The following SHISA8 variants were observed in gnomAD, a reference collection of about 807,000 sequenced individuals.
SHISA8 encodes the protein protein shisa-8.
In SHISA8, 21 loss-of-function variants were observed where a neutral mutation model predicts 21.1. The observed-to-expected ratio is 0.99, with a 90% CI of 0.71 to 1.43. The LOEUF (loss-of-function observed/expected upper bound fraction) is 1.43. Among genes scored for constraint, SHISA8 ranks in the 40% most tolerant of loss-of-function variants. SHISA8 has a pLI of 0.00. For missense variants in SHISA8, 535 were observed against 599.1 expected, an observed-to-expected ratio of 0.89 and a Z score of 1.12; for synonymous variants, 300 against 291.4, an observed-to-expected ratio of 1.03 and a Z score of -0.30.
chr22:41,910,333 G>T lies in SHISA8; in HGVS notation c.811+75C>A. On this transcript the variant is annotated intron_variant, in intron 3 of 3. Coordinates refer to ENST00000621082, the MANE Select transcript of SHISA8 (RefSeq NM_001207020.3). The surrounding 1 kb of genome is among the most constrained non-coding windows in gnomAD (Gnocchi z 6.8). ...CGGAACTGGGAATTTGGCGCTTGGAGCTGCGGCCCCGCGCTTCGCAGTCCG... is the reference window on the plus strand; with the variant it reads ...CGGAACTGGGAATTTGGCGCTTGGATCTGCGGCCCCGCGCTTCGCAGTCCG... 1 of 1,256,478 alleles carries T rather than the reference G, an allele frequency of 8.0e-7. No homozygotes were observed. The highest frequency in any genetic ancestry group is 2.8e-5 in the South Asian group (1 of 36,078). 77.8% of individuals were successfully genotyped at this position (1,256,478 alleles called of 1,614,324 possible).
intron 1 of SHISA8, among the ~76,000 whole-genome samples, chr22:41,913,923 G>A (rs2077567219): frequency 6.6e-6 from 1 of 151,972 alleles, no homozygotes; most frequent in South Asian, 2.1e-4. Flanking sequence ...AGGCGGTGCG[G>A]CGCCCAGCAC....
chr22:41,910,584 C>T lies in SHISA8; in HGVS notation c.665-30G>A. The T allele has an allele frequency of 8.2e-7, 1 of 1,219,064 alleles. No individual in the cohort carries two copies. Among genetic ancestry groups the T allele is most frequent in the Non-Finnish European group, 1.0e-6 (1 of 979,348 alleles). 75.5% of individuals were successfully genotyped at this position (1,219,064 alleles called of 1,614,324 possible). On this transcript the variant is annotated intron_variant, in intron 2 of 3. Coordinates refer to ENST00000621082, the MANE Select transcript of SHISA8 (RefSeq NM_001207020.3). This position sits in a 1 kb window ranked among gnomAD's most constrained non-coding sequence, Gnocchi z 6.8. ...AGCGAGGAGTGAGACGCGGCTCGGT[C>T]CGATGCCCCGGTTCACTCCGCCCTC...
rs1392667907 is a variant in SHISA8, at chr22:41,910,748, C to T, written c.665-194G>A. On this transcript the variant is annotated intron_variant, in intron 2 of 3. Transcript: ENST00000621082. The surrounding 1 kb of genome is among the most constrained non-coding windows in gnomAD (Gnocchi z 6.8). ...GAACAGGGCCTGGCTCCGAGTCACG[C>T]GCAGCGGCGGCGGCAGCCAGCCCGG... Among the ~76,000 whole-genome samples, 2 of 152,254 alleles carry T rather than the reference C, an allele frequency of 1.3e-5. No individual in the cohort carries two copies. The highest frequency in any genetic ancestry group is 2.4e-5 in the African/African-American group (1 of 41,564).
chr22:41,911,713 C>T (rs2146575856), intron 1 of SHISA8, among the ~76,000 whole-genome samples: 1 of 152,250 alleles, frequency 6.6e-6, no homozygotes, highest in East Asian at 1.9e-4. Context: ...TTCTTCAGAC[C>T]CCATCAGCGG....
chr22:41,909,579 G>A lies in SHISA8; in HGVS notation c.*186C>T, dbSNP rs6002532. 0.021 allele frequency: 14,775 copies of A among 710,534 alleles called. 1,628 individuals are homozygous for A. In the African/African-American group the frequency reaches 0.25, roughly 12 times the overall value. 44.0% of individuals were successfully genotyped at this position (710,534 alleles called of 1,614,324 possible). ...CACGCTGGGGCTTCTTTATTCTCAGGGGCAGGAACCACATAAAAGGGCTTA... is the reference window on the plus strand; with the variant it reads ...CACGCTGGGGCTTCTTTATTCTCAGAGGCAGGAACCACATAAAAGGGCTTA... On this transcript the variant is annotated 3_prime_UTR_variant, in exon 4 of 4. Coordinates refer to ENST00000621082, the MANE Select transcript of SHISA8 (RefSeq NM_001207020.3).
In SHISA8 at chr22:41,914,203, G is replaced by T. The variant is rs915196912; in HGVS notation, c.465C>A (p.Ala155=). 1.5e-5 allele frequency: 22 copies of T among 1,463,748 alleles called. No individual in the cohort carries two copies. The African/African-American group carries it at 1.9e-4, about 13-fold the overall frequency. The allele number at this position is 1,463,748 out of a possible 1,614,324, so 90.7% of individuals were successfully genotyped here. ...VCGVAALLVL[A]GIGARLGLER... ...CCAGTCCCAGGCGCGCCCCGATGCC[G>T]GCCAGCACCAGCAGCGCTGCGACGC... The change falls in exon 1 of 4, where the codon GCC becomes GCA. Residue 155 remains alanine (A), a synonymous_variant. Transcript: ENST00000621082. The surrounding 1 kb of genome is among the most constrained non-coding windows in gnomAD (Gnocchi z 6.8).
Position 41,909,602 on chromosome 22 carries a change from T to G in SHISA8, c.*163A>C. 1.0e-6 allele frequency: 1 copy of G among 955,246 alleles called. No individual in the cohort carries two copies. Among genetic ancestry groups the G allele is most frequent in the Non-Finnish European group, 1.4e-6 (1 of 714,150 alleles). The allele number at this position is 955,246 out of a possible 1,614,324, so 59.2% of individuals were successfully genotyped here. A position where few individuals can be genotyped will look rare whatever the true frequency, so the allele number is the denominator to read the frequency against. On this transcript the variant is annotated 3_prime_UTR_variant, in exon 4 of 4. Coordinates refer to ENST00000621082, the MANE Select transcript of SHISA8 (RefSeq NM_001207020.3). The stretch of plus-strand genomic sequence containing the variant: ...AGGGGCAGGAACCACATAAAAGGGC[T>G]TATTTACAAGACGAACCCGCGGCCT...
chr22:41,909,610 A>G lies in SHISA8; in HGVS notation c.*155T>C. The G allele has an allele frequency of 9.4e-7, 1 of 1,064,416 alleles. No homozygotes were observed. The highest frequency in any genetic ancestry group is 1.2e-6 in the Non-Finnish European group (1 of 813,544). 65.9% of individuals were successfully genotyped at this position (1,064,416 alleles called of 1,614,324 possible). On this transcript the variant is annotated 3_prime_UTR_variant, in exon 4 of 4. Coordinates refer to ENST00000621082, the MANE Select transcript of SHISA8 (RefSeq NM_001207020.3). ...GAACCACATAAAAGGGCTTATTTAC[A>G]AGACGAACCCGCGGCCTGCAGGCTC...
rs552436274 is a variant in SHISA8 at position 41,913,991 on chromosome 22, G to C, written c.530+147C>G. ...CAGGTGTCTCCCTGATGAAGTGTTGGGGGGGCGGCGGGGGGAGAAGGAGAC... is the reference window on the plus strand; with the variant it reads ...CAGGTGTCTCCCTGATGAAGTGTTGCGGGGGCGGCGGGGGGAGAAGGAGAC... On this transcript the variant is annotated intron_variant, in intron 1 of 3. Transcript: ENST00000621082. 2.8e-4 allele frequency: 219 copies of C among 769,340 alleles called. 3 individuals are homozygous for C. The South Asian group carries it at 4.9e-3, about 17-fold the overall frequency. 47.7% of individuals were successfully genotyped at this position (769,340 alleles called of 1,614,324 possible).
chr22:41,910,663 G>C lies in SHISA8; in HGVS notation c.665-109C>G. ...GAGGCCGTTCGGTGAGAACCTGGGG[G>C]ACCGTTCTCCGGGCGAGGCTGCGAG... On this transcript the variant is annotated intron_variant, in intron 2 of 3. Transcript: ENST00000621082. This position sits in a 1 kb window ranked among gnomAD's most constrained non-coding sequence, Gnocchi z 6.8. 1 of 1,165,932 alleles carries C rather than the reference G, an allele frequency of 8.6e-7. No individual in the cohort carries two copies. Among genetic ancestry groups the C allele is most frequent in the Non-Finnish European group, 1.1e-6 (1 of 935,246 alleles). 72.2% of individuals were successfully genotyped at this position (1,165,932 alleles called of 1,614,324 possible). A position where few individuals can be genotyped will look rare whatever the true frequency, so the allele number is the denominator to read the frequency against.
chr22:41,910,351 G>T lies in SHISA8; in HGVS notation c.811+57C>A, dbSNP rs947241159. 2.1e-5 allele frequency: 26 copies of T among 1,261,560 alleles called. No individual in the cohort carries two copies. The highest frequency in any genetic ancestry group is 2.4e-5 in the Non-Finnish European group (24 of 1,003,530). 78.1% of individuals were successfully genotyped at this position (1,261,560 alleles called of 1,614,324 possible). On this transcript the variant is annotated intron_variant, in intron 3 of 3. Coordinates refer to ENST00000621082, the MANE Select transcript of SHISA8 (RefSeq NM_001207020.3). This position sits in a 1 kb window ranked among gnomAD's most constrained non-coding sequence, Gnocchi z 6.8. The stretch of plus-strand genomic sequence containing the variant: ...GCTTGGAGCTGCGGCCCCGCGCTTC[G>T]CAGTCCGGGAGCTCGTGCGCCCAGG...
rs1287344511 is a variant in SHISA8, at chr22:41,914,675, G to A, written c.-8C>T. ...CGCCCCGGCCCGCGCCATCGGGCCC[G>A]CGCCTCCCGCTACTGCGCCCGGTGC... On this transcript the variant is annotated 5_prime_UTR_variant, in exon 1 of 4. Transcript: ENST00000621082. This position sits in a 1 kb window ranked among gnomAD's most constrained non-coding sequence, Gnocchi z 6.8. The A allele has an allele frequency of 6.0e-5, 61 of 1,015,722 alleles. No homozygotes were observed. The highest frequency in any genetic ancestry group is 7.0e-5 in the Non-Finnish European group (60 of 851,628). 62.9% of individuals were successfully genotyped at this position (1,015,722 alleles called of 1,614,324 possible).
At chr22:41,912,903 C>G (rs1242087109) in intron 1 of SHISA8, among the ~76,000 whole-genome samples, 1 of 152,232 alleles carries the variant, frequency 6.6e-6, no homozygotes, top group African/African-American at 2.4e-5. Flanking sequence ...TGCAGCCACC[C>G]CTCACCATCG....
chr22:41,910,689 C>A lies in SHISA8; in HGVS notation c.665-135G>T. 2 of 1,076,538 alleles carry A rather than the reference C, an allele frequency of 1.9e-6. No homozygotes were observed. The highest frequency in any genetic ancestry group is 9.7e-5 in the South Asian group (2 of 20,702). The allele number at this position is 1,076,538 out of a possible 1,614,324, so 66.7% of individuals were successfully genotyped here. A position where few individuals can be genotyped will look rare whatever the true frequency, so the allele number is the denominator to read the frequency against. ...ACCGTTCTCCGGGCGAGGCTGCGAG[C>A]CAAGCCTGTCTTCGCCGCAGCCTCC... On this transcript the variant is annotated intron_variant, in intron 2 of 3. Coordinates refer to ENST00000621082, the MANE Select transcript of SHISA8 (RefSeq NM_001207020.3). The surrounding 1 kb of genome is among the most constrained non-coding windows in gnomAD (Gnocchi z 6.8).
Position 41,910,507 on chromosome 22 carries a change from G to T in SHISA8, c.712C>A (p.Pro238Thr). 8.0e-7 allele frequency: 1 copy of T among 1,254,846 alleles called. No homozygotes were observed. Among genetic ancestry groups the T allele is most frequent in the Non-Finnish European group, 9.9e-7 (1 of 1,006,418 alleles). 77.7% of individuals were successfully genotyped at this position (1,254,846 alleles called of 1,614,324 possible). Reference sequence around the variant, plus strand: ...CCCTGCAGCCGCGGGCCGCGCGGGGGCCCCGGGGCGGCCGACCCCCGGGGC... The same window carrying T: ...CCCTGCAGCCGCGGGCCGCGCGGGGTCCCCGGGGCGGCCGACCCCCGGGGC... ...NAPRGSAAPG[P>T]PRGPRLQGGG... Residue 238 changes from proline to threonine, a missense_variant, in exon 3 of 4, where the codon CCC becomes ACC. Transcript: ENST00000621082. The surrounding 1 kb of genome is among the most constrained non-coding windows in gnomAD (Gnocchi z 6.8).
In SHISA8 at chr22:41,911,197, C is replaced by A; in HGVS notation, c.664+19G>T. ...CCGCGTGCTCCGCCGCCGCTCAGCC[C>A]CGCCCGCCACCGACTCACCTGCGCT... On this transcript the variant is annotated intron_variant, in intron 2 of 3. Transcript: ENST00000621082. 1 of 1,268,694 alleles carries A rather than the reference C, an allele frequency of 7.9e-7. No homozygotes were observed. Among genetic ancestry groups the A allele is most frequent in the Admixed American group, 4.1e-5 (1 of 24,474 alleles). 78.6% of individuals were successfully genotyped at this position (1,268,694 alleles called of 1,614,324 possible).
chr22:41,914,502 C>G lies in SHISA8; in HGVS notation c.166G>C (p.Gly56Arg), dbSNP rs1469237436. The G allele has an allele frequency of 5.5e-6, 7 of 1,262,672 alleles. No homozygotes were observed. Among genetic ancestry groups the G allele is most frequent in the Admixed American group, 3.8e-5 (1 of 26,136 alleles). The allele number at this position is 1,262,672 out of a possible 1,614,324, so 78.2% of individuals were successfully genotyped here. Residue 56 changes from glycine to arginine, a missense_variant, in exon 1 of 4, where the codon GGG becomes CGG. Transcript: ENST00000621082. The surrounding 1 kb of genome is among the most constrained non-coding windows in gnomAD (Gnocchi z 6.8). ...TAGTAGCCGCGGCAGCGGTCGCCCC[C>G]CTCCGGGGCTGTCGTGCCGGGCGCC... ...PAAPGTTAPEGGDRCRGYYDV... is the reference protein window; with the variant it reads ...PAAPGTTAPERGDRCRGYYDV...
Position 41,910,083 on chromosome 22 carries a change from CG to C in SHISA8, c.875del (p.Pro292ArgfsTer72). 1 of 1,239,274 alleles carries C rather than the reference CG, an allele frequency of 8.1e-7. No homozygotes were observed. The highest frequency in any genetic ancestry group is 3.9e-5 in the South Asian group (1 of 25,730). The allele number at this position is 1,239,274 out of a possible 1,614,324, so 76.8% of individuals were successfully genotyped here. ...PALEPSPRQP[P>X]ARAPRPSPDL... ...CCGGGGATGGTCGCGGAGCCCGCGC[CG>C]GGGGTTGCCGCGGGGACGGCTCGAG... On this transcript the variant is annotated frameshift_variant, in exon 4 of 4. Transcript: ENST00000621082. LOFTEE classifies it low-confidence loss of function (END_TRUNC). This position sits in a 1 kb window ranked among gnomAD's most constrained non-coding sequence, Gnocchi z 6.8.
Position 41,911,093 on chromosome 22 carries a change from G to A in SHISA8, c.664+123C>T, listed in dbSNP as rs556900063. ...GGCTGGCCGGTCGGGCCCCTCACCCGCAGAGGCCGCGGCTCATTTCCACCG... is the reference window on the plus strand; with the variant it reads ...GGCTGGCCGGTCGGGCCCCTCACCCACAGAGGCCGCGGCTCATTTCCACCG... On this transcript the variant is annotated intron_variant, in intron 2 of 3. Transcript: ENST00000621082. 39 of 1,189,852 alleles carry A rather than the reference G, an allele frequency of 3.3e-5. No homozygotes were observed. The African/African-American group carries it at 4.2e-4, about 13-fold the overall frequency. 73.7% of individuals were successfully genotyped at this position (1,189,852 alleles called of 1,614,324 possible).
Sources: allele counts gnomAD v4.1 joint callset (sites outside exome capture counted in the v4.1 genomes callset), GRCh38; gene constraint gnomAD v4.1.1; non-coding constraint Gnocchi (gnomAD v3.1); transcripts MANE v1.5; gene names NCBI Gene and HGNC (gene_info 2026-07-23, HGNC 2026-07-21).